The following TMEM132B variants were observed in gnomAD, a reference collection of about 807,000 sequenced individuals.
TMEM132B encodes the protein transmembrane protein 132B.
A neutral mutation model predicts 90.8 loss-of-function variants in TMEM132B; 18 were observed. The ratio of observed to expected loss-of-function variants is 0.20; its 90% CI spans 0.14 to 0.29. The LOEUF (loss-of-function observed/expected upper bound fraction) is 0.29, where lower values mean the gene tolerates loss of function less well. Ranked by LOEUF, TMEM132B falls within the 10% of genes least tolerant of loss-of-function variation. The pLI, the probability that TMEM132B is intolerant of heterozygous loss-of-function variation, is 1.00. For missense variants in TMEM132B, 1,096 were observed against 1,326.8 expected, an observed-to-expected ratio of 0.83 and a Z score of 2.70; for synonymous variants, 504 against 523.3, an observed-to-expected ratio of 0.96 and a Z score of 0.50.
At chr12:125,361,802 T>C (rs1054155176) in intron 2 of TMEM132B, among the ~76,000 whole-genome samples, 2 of 152,208 alleles carry the variant, frequency 1.3e-5, no homozygotes, top group Admixed American at 6.5e-5. Context: ...TGCATTGGAG[T>C]CTGTGAGCTC....
chr12:125,190,497 T>G (rs1593035076), intron 1 of TMEM132B, among the ~76,000 whole-genome samples: 1 of 62,720 alleles, frequency 1.6e-5, no homozygotes. Flanking sequence ...GTGGTGATGG[T>G]GATGGGAAGG....
In TMEM132B at chr12:125,654,559, A is replaced by T. The variant is rs748644202; in HGVS notation, c.3101A>T (p.Tyr1034Phe). The T allele has an allele frequency of 6.2e-7, 1 of 1,614,168 alleles. No homozygotes were observed. The highest frequency in any genetic ancestry group is 8.5e-7 in the Non-Finnish European group (1 of 1,180,034). The change falls in exon 9 of 9, where the codon TAC (tyrosine) becomes TTC (phenylalanine). Residue 1034 changes from tyrosine (Y) to phenylalanine (F), a missense_variant. By Grantham distance (22) the Tyr-to-Phe change is conservative. Coordinates refer to ENST00000682704, the MANE Select transcript of TMEM132B (RefSeq NM_001366854.1). The surrounding 1 kb of genome is among the most constrained non-coding windows in gnomAD (Gnocchi z 5.8). ...PKRKRVKFTS[Y>F]TTILPEDGGP... is the part of the protein sequence containing the mutation. ...AGGAAGAGAGTCAAGTTCACTTCCT[A>T]CACCACCATCCTCCCAGAGGACGGC... is the stretch of plus-strand genomic sequence containing the variant.
In TMEM132B at chr12:125,467,207, C is replaced by A. The variant is rs186084198; in HGVS notation, c.1106+51530C>A. Among the ~76,000 whole-genome samples the A allele has an allele frequency of 4.3e-3, 647 of 152,156 alleles. 2 individuals are homozygous for A. The highest frequency in any genetic ancestry group is 6.7e-3 in the Non-Finnish European group (458 of 68,010). ...TCCATGTAGAACCTCAGAATGGAGA[C>A]AAGGAAGAGAATAGAGCTGAGAAAT... On this transcript the variant is annotated intron_variant, in intron 3 of 8. Coordinates refer to ENST00000682704, the MANE Select transcript of TMEM132B (RefSeq NM_001366854.1).
chr12:125,335,426 A>G (rs935423277), intron 1 of TMEM132B, among the ~76,000 whole-genome samples: 1 of 152,144 alleles, frequency 6.6e-6, no homozygotes, highest in Non-Finnish European at 1.5e-5. Context: ...GGGGCACATG[A>G]CCCTGGCTGA....
At chr12:125,298,472 G>A (rs868307263) in intron 1 of TMEM132B, among the ~76,000 whole-genome samples, 55 of 151,658 alleles carry the variant, frequency 3.6e-4, no homozygotes, top group African/African-American at 1.2e-3. Context: ...TCAGGGGTTC[G>A]AGAGCAGCCT....
At chr12:125,640,929 G>GACACACACACACACACACACAC (rs60088908) in intron 5 of TMEM132B, among the ~76,000 whole-genome samples, 4 of 149,326 alleles carry the variant, frequency 2.7e-5, no homozygotes, top group African/African-American at 2.5e-5. Context: ...AGGAGAAATA[G>GACACACACACACACACACACAC]ACACACACAC....
At chr12:125,541,991 C>T (rs1193814890) in intron 4 of TMEM132B, among the ~76,000 whole-genome samples, 1 of 131,208 alleles carries the variant, frequency 7.6e-6, no homozygotes, top group Non-Finnish European at 1.5e-5. Flanking sequence ...CACCACTACA[C>T]TTCAGCCTGG....
chr12:125,311,505 C>T (rs1318676022), intron 1 of TMEM132B, among the ~76,000 whole-genome samples: 1 of 152,258 alleles, frequency 6.6e-6, no homozygotes, highest in East Asian at 1.9e-4. Context: ...ATCAGTGAGT[C>T]GCCACCTCTA....
chr12:125,539,174 T>C (rs1388416875), intron 4 of TMEM132B, among the ~76,000 whole-genome samples: 1 of 152,260 alleles, frequency 6.6e-6, no homozygotes, highest in Non-Finnish European at 1.5e-5. Flanking sequence ...AATGACGCCA[T>C]GACACACACA....
chr12:125,423,358 C>G (rs1178946161), intron 3 of TMEM132B, among the ~76,000 whole-genome samples: 1 of 152,108 alleles, frequency 6.6e-6, no homozygotes, highest in Non-Finnish European at 1.5e-5. Flanking sequence ...TAGGGAAATG[C>G]GTCGTGCACA....
chr12:125,290,399 G>A (rs890111073), intron 1 of TMEM132B, among the ~76,000 whole-genome samples: 3 of 152,116 alleles, frequency 2.0e-5, no homozygotes, highest in African/African-American at 7.2e-5. Context: ...AGTTACAATC[G>A]ATGCTCCTGT....
chr12:125,594,420 T>C (rs1259939444), intron 5 of TMEM132B, among the ~76,000 whole-genome samples: 4 of 152,318 alleles, frequency 2.6e-5, no homozygotes, highest in African/African-American at 9.6e-5. Flanking sequence ...GGTTGTATCA[T>C]ATTAAGTGTA....
intron 2 of TMEM132B, among the ~76,000 whole-genome samples, chr12:125,375,459 G>A (rs981159595): frequency 6.6e-6 from 1 of 152,222 alleles, no homozygotes; most frequent in Non-Finnish European, 1.5e-5. Flanking sequence ...TTGGAGTTAT[G>A]TATAGCTAGT....
At chr12:125,486,160 A>T (rs1882196590) in intron 3 of TMEM132B, among the ~76,000 whole-genome samples, 1 of 152,200 alleles carries the variant, frequency 6.6e-6, no homozygotes, top group South Asian at 2.1e-4. Context: ...AAATAAATGT[A>T]TTTGAGCAAC....
chr12:125,413,507 C>G (rs756329978), intron 2 of TMEM132B, among the ~76,000 whole-genome samples: 1 of 152,198 alleles, frequency 6.6e-6, no homozygotes, highest in Non-Finnish European at 1.5e-5. Context: ...CCCCCATCCT[C>G]ACTCTTCCCC....
rs537445927 is a variant in TMEM132B, at chr12:125,415,148, G to A, written c.960-383G>A. On this transcript the variant is annotated intron_variant, in intron 2 of 8. Transcript: ENST00000682704. This position sits in a 1 kb window ranked among gnomAD's most constrained non-coding sequence, Gnocchi z 5.3. ...CTTCTGGCCTTGCACAACCCACCCC[G>A]CATCTTAAAGACTCTTCTCCATCTC... is the stretch of plus-strand genomic sequence containing the variant. 2.3e-4 allele frequency among the ~76,000 whole-genome samples: 35 copies of A among 152,102 alleles called. No homozygotes were observed. The highest frequency in any genetic ancestry group is 7.7e-4 in the African/African-American group (32 of 41,494).
intron 3 of TMEM132B, among the ~76,000 whole-genome samples, chr12:125,418,428 G>A (rs1322563933): frequency 6.6e-6 from 1 of 152,058 alleles, no homozygotes; most frequent in Non-Finnish European, 1.5e-5. Flanking sequence ...AGAAGGGCAG[G>A]GATTGTCACT....
chr12:125,285,228 T>C (rs1031224040), intron 1 of TMEM132B, among the ~76,000 whole-genome samples: 1 of 152,030 alleles, frequency 6.6e-6, no homozygotes, highest in African/African-American at 2.4e-5. Context: ...AACCAGAGGG[T>C]GGAGTTAACC....
rs555222033 is a variant in TMEM132B, at chr12:125,186,873, C to T, written c.67+7C>T. The T allele has an allele frequency of 6.6e-6, 1 of 152,152 alleles. No individual in the cohort carries two copies. The highest frequency in any genetic ancestry group is 2.1e-4 in the South Asian group (1 of 4,848). 9.4% of individuals were successfully genotyped at this position (152,152 alleles called of 1,614,324 possible). The stretch of plus-strand genomic sequence containing the variant: ...ACTGCGCTCCAGTGCCCAGGTAACG[C>T]GTCCCCGGACCCCATCCCCGACCCC... On this transcript the variant is annotated splice_region_variant and intron_variant, in intron 1 of 8. Transcript: ENST00000682704. The surrounding 1 kb of genome is among the most constrained non-coding windows in gnomAD (Gnocchi z 6.3).
Sources: allele counts gnomAD v4.1 joint callset (sites outside exome capture counted in the v4.1 genomes callset), GRCh38; gene constraint gnomAD v4.1.1; non-coding constraint Gnocchi (gnomAD v3.1); transcripts MANE v1.5; gene names NCBI Gene and HGNC (gene_info 2026-07-23, HGNC 2026-07-21).